Variants in TRPM1 observed in about 807,000 individuals in gnomAD.
TRPM1 encodes transient receptor potential cation channel subfamily M member 1.
TRPM1 carries 113 observed loss-of-function variants against 149.4 expected under a neutral mutation model. The observed-to-expected ratio is 0.76, with a 90% CI of 0.65 to 0.88. The LOEUF is 0.88. TRPM1 is among the 40% of genes least tolerant of loss of function. The probability of loss-of-function intolerance (pLI) is 0.00; values close to 1 mark genes in which losing one functional copy is unlikely to be tolerated. For missense variants in TRPM1, 1,976 were observed against 2,038.7 expected (o/e 0.97, Z 0.59); for synonymous variants, 741 against 759.5 (o/e 0.98, Z 0.40).
At chr15:31,071,010 C>T (rs2034523211) in intron 3 of TRPM1, among the ~76,000 whole-genome samples, 1 of 152,212 alleles carries the variant, frequency 6.6e-6, no homozygotes, top group African/African-American at 2.4e-5. Flanking sequence ...TCTTCTAGCT[C>T]TACAGCATCT....
intron 1 of TRPM1, among the ~76,000 whole-genome samples, chr15:31,130,362 T>G (rs2036001446): frequency 6.6e-6 from 1 of 152,250 alleles, no homozygotes; most frequent in African/African-American, 2.4e-5. Flanking sequence ...CAAACTGTCC[T>G]TGTTCATTCC....
intron 2 of TRPM1, among the ~76,000 whole-genome samples, chr15:31,081,029 G>A (rs961171280): frequency 6.6e-6 from 1 of 152,154 alleles, no homozygotes; most frequent in African/African-American, 2.4e-5. Flanking sequence ...GGGGTGTTTA[G>A]ATGCCTCCTT....
chr15:31,055,473 A>G (rs2034056646), intron 11 of TRPM1, among the ~76,000 whole-genome samples: 1 of 152,190 alleles, frequency 6.6e-6, no homozygotes, highest in African/African-American at 2.4e-5. Flanking sequence ...TTTCCAAGAT[A>G]CAAAGAAGAG....
chr15:31,053,391 C>T (rs751539422), intron 11 of TRPM1, among the ~76,000 whole-genome samples: 51 of 151,012 alleles, frequency 3.4e-4, no homozygotes, highest in Non-Finnish European at 4.1e-4. Context: ...GCTGGGACTA[C>T]AGATGTGTGC....
At chr15:31,105,480 CGCGCGCGT>C (rs2035593899), upstream of TRPM1, among the ~76,000 whole-genome samples, 1 of 149,892 alleles carries the variant, frequency 6.7e-6, no homozygotes, top group Admixed American at 6.6e-5. Context: ...TGTGCGCGCG[CGCGCGCGT>C]GCATCTGTAA....
At chr15:31,109,385 GAAAAGAA>G (rs1479664965) in intron 1 of TRPM1, among the ~76,000 whole-genome samples, 5 of 124,138 alleles carry the variant, frequency 4.0e-5, no homozygotes, top group Admixed American at 2.5e-4. Flanking sequence ...GAAAAGAAGA[GAAAAGAA>G]AAAAGAAAAA....
chr15:31,078,332 C>T (rs2034766246), intron 2 of TRPM1, among the ~76,000 whole-genome samples: 1 of 152,104 alleles, frequency 6.6e-6, no homozygotes, highest in Admixed American at 6.5e-5. Context: ...CATGCCGATG[C>T]CCCATTTGTT....
At position 31,066,237 on chromosome 15, in the gene TRPM1, A is replaced by G. The variant is rs2034372585; in HGVS notation, c.629T>C (p.Val210Ala). Residue 210 changes from valine (V) to alanine (A), a missense_variant, in exon 7 of 28, where the codon GTG becomes GCG. Physicochemically the swap from Val to Ala is moderately conservative, Grantham distance 64 (BLOSUM62 0). This residue lies in a region of TRPM1 where 1,332 missense variants were observed against 1,347.1 expected (regional missense o/e 0.99). Coordinates refer to ENST00000256552, the MANE Select transcript of TRPM1 (RefSeq NM_001252024.2). ...TAGAGGGTTGGACATGGTCTGGTAC[A>G]CTCTTGTTACCTGACAAAGTGCACA... ...EDLVGKDVTRVYQTMSNPLSK... is the reference protein window; with the variant it reads ...EDLVGKDVTRAYQTMSNPLSK... 1 of 1,613,978 alleles carries G rather than the reference A, an allele frequency of 6.2e-7. No individual in the cohort carries two copies. Among genetic ancestry groups the G allele is most frequent in the Non-Finnish European group, 8.5e-7 (1 of 1,180,022 alleles).
rs549108202 is a variant in TRPM1 at position 31,036,036 on chromosome 15, A to G, written c.2572-362T>C. 100 of 344,624 alleles carry G rather than the reference A, an allele frequency of 2.9e-4. 1 individual carries two copies. The highest frequency in any genetic ancestry group is 8.8e-4 in the South Asian group (36 of 41,074). 21.3% of individuals were successfully genotyped at this position (344,624 alleles called of 1,614,324 possible). On this transcript the variant is annotated intron_variant, in intron 20 of 27. Transcript: ENST00000256552. Reference sequence around the variant, plus strand: ...ACATTCCTGGAAACTGGAAAATGTTACTTACTCCTCCCTGCCTCAGAAATT... The same window carrying G: ...ACATTCCTGGAAACTGGAAAATGTTGCTTACTCCTCCCTGCCTCAGAAATT...
intron 18 of TRPM1, among the ~76,000 whole-genome samples, chr15:31,039,529 C>T (rs1364777733): frequency 6.6e-6 from 1 of 152,156 alleles, no homozygotes; most frequent in African/African-American, 2.4e-5. Context: ...AGGTTATCTG[C>T]AGATTAGAAT....
intron 1 of TRPM1, among the ~76,000 whole-genome samples, chr15:31,145,858 GGAA>G (rs1365735368): frequency 2.6e-5 from 4 of 151,654 alleles, no homozygotes; most frequent in Non-Finnish European, 5.9e-5. Flanking sequence ...GGGCCACATT[GGAA>G]GAAGAAGAAT....
At chr15:31,050,720 C>T (rs1243642391) in intron 11 of TRPM1, 138 bp from the exon 12 acceptor site, 2 of 875,774 alleles carry the variant, frequency 2.3e-6, no homozygotes, top group East Asian at 5.1e-5. Context: ...TGCACACCCA[C>T]ACAGTGCACA....
intron 1 of TRPM1, among the ~76,000 whole-genome samples, chr15:31,156,799 T>G (rs1003097124): frequency 6.6e-6 from 1 of 152,254 alleles, no homozygotes; most frequent in African/African-American, 2.4e-5. Context: ...TGTCTTTAAA[T>G]GTTTCACAGA....
chr15:31,075,426 T>G (rs2034663212), intron 3 of TRPM1, among the ~76,000 whole-genome samples: 1 of 152,242 alleles, frequency 6.6e-6, no homozygotes, highest in Non-Finnish European at 1.5e-5. Flanking sequence ...AAAATGTTCT[T>G]AATATCTCTA....
chr15:31,051,859 C>A lies in TRPM1; in HGVS notation c.1264-1277G>T, dbSNP rs1412611837. On this transcript the variant is annotated intron_variant, in intron 11 of 27. Transcript: ENST00000256552. Reference sequence around the variant, plus strand: ...ACCACTCTCAGGACCTACCCTCCGACCCAGTCCTCTTCCAGGGTCCCTTAT... The same window carrying A: ...ACCACTCTCAGGACCTACCCTCCGAACCAGTCCTCTTCCAGGGTCCCTTAT... 3.3e-5 allele frequency among the ~76,000 whole-genome samples: 5 copies of A among 152,224 alleles called. 1 individual carries two copies. Among genetic ancestry groups the A allele is most frequent in the Non-Finnish European group, 7.3e-5 (5 of 68,046 alleles).
chr15:31,113,710 C>G (rs1033008881), intron 1 of TRPM1, among the ~76,000 whole-genome samples: 4 of 152,126 alleles, frequency 2.6e-5, no homozygotes, highest in African/African-American at 9.7e-5. Flanking sequence ...TAGTTCATTC[C>G]GGTGGATTTC....
At chr15:31,065,433 G>T (rs1401331978) in intron 7 of TRPM1, among the ~76,000 whole-genome samples, 1 of 152,170 alleles carries the variant, frequency 6.6e-6, no homozygotes, top group Non-Finnish European at 1.5e-5. Context: ...AGAATTACTG[G>T]AGTATAAACA....
chr15:31,058,352 AT>A (rs1401517652), intron 11 of TRPM1, among the ~76,000 whole-genome samples: 1 of 152,242 alleles, frequency 6.6e-6, no homozygotes, highest in East Asian at 1.9e-4. Context: ...TTGGTGAATG[AT>A]GGAAACCTTG....
intron 25 of TRPM1, among the ~76,000 whole-genome samples, chr15:31,027,432 CTA>C (rs1209044845): frequency 3.9e-5 from 6 of 152,220 alleles, no homozygotes; most frequent in African/African-American, 1.4e-4. Context: ...AGCCATTTAA[CTA>C]AATGCTTTCA....
Sources: gnomAD v4.1 joint callset for allele counts (sites outside exome capture counted in the v4.1 genomes callset) on GRCh38, gnomAD v4.1.1 for gene constraint, gnomAD v4.1.1 regional missense constraint, MANE v1.5 for transcripts, NCBI Gene and HGNC (gene_info 2026-07-23, HGNC 2026-07-21) for gene names.